The following C1GALT1 variants were observed in gnomAD, a reference collection of about 807,000 sequenced individuals.
C1GALT1 encodes the protein core 1 synthase, glycoprotein-N-acetylgalactosamine 3-beta-galactosyltransferase 1.
In C1GALT1, 11 loss-of-function variants were observed where a neutral mutation model predicts 31.0. That is an observed-to-expected ratio of 0.36 (90% CI 0.22 to 0.59). The LOEUF (loss-of-function observed/expected upper bound fraction) is 0.59, where lower values mean the gene tolerates loss of function less well. Ranked by LOEUF, C1GALT1 falls within the 20% of genes least tolerant of loss-of-function variation. The pLI is 0.79. For synonymous variants in C1GALT1, 175 were observed against 143.6 expected, an observed-to-expected ratio of 1.22 and a Z score of -1.56; for missense variants, 424 against 425.2, an observed-to-expected ratio of 1.00 and a Z score of 0.03.
upstream of C1GALT1, among the ~76,000 whole-genome samples, chr7:7,181,224 G>GTGGAAGGATATTGCGGAAAGGTGGAAGGA (rs1265629654): frequency 1.3e-5 from 2 of 149,664 alleles, no homozygotes; most frequent in East Asian, 3.9e-4. Flanking sequence ...TTGCGGAAAG[G>GTGGAAGGATATTGCGGAAAGGTGGAAGGA]TGGAAGGATA....
Position 7,209,203 on chromosome 7 carries a change from T to C in C1GALT1, c.-17-25100T>C, listed in dbSNP as rs185840716. ...TTGTTATTCTTTGTTACTTATAGCT[T>C]TTTTGTTTGCTATTGAAACGTGACC... is the stretch of plus-strand genomic sequence containing the variant. On this transcript the variant is annotated intron_variant, in intron 1 of 3. Transcript: ENST00000436587. Among the ~76,000 whole-genome samples, 20 of 152,360 alleles carry C rather than the reference T, an allele frequency of 1.3e-4. No homozygotes were observed. In the East Asian group the frequency reaches 3.9e-3, roughly 29 times the overall value.
At chr7:7,203,789 C>T (rs2128236471) in intron 1 of C1GALT1, among the ~76,000 whole-genome samples, 1 of 152,156 alleles carries the variant, frequency 6.6e-6, no homozygotes, top group African/African-American at 2.4e-5. Context: ...TTAGCATATC[C>T]ATGATCTCAA....
intron 1 of C1GALT1, among the ~76,000 whole-genome samples, chr7:7,193,742 A>G (rs1781170512): frequency 6.6e-6 from 1 of 152,142 alleles, no homozygotes; most frequent in Non-Finnish European, 1.5e-5. Context: ...TAGGAATTAC[A>G]TTGAATCCGT....
chr7:7,243,464 A>G, intron 3 of C1GALT1, 60 bp from the exon 4 acceptor site: 4 of 1,323,320 alleles, frequency 3.0e-6, no homozygotes, highest in Non-Finnish European at 4.2e-6. Context: ...ATAAGTATGT[A>G]AATATTGTAG....
At position 7,182,689 on chromosome 7, in the gene C1GALT1, G is replaced by A; in HGVS notation, c.-149G>A. ...GCCGCTGCCGGGGAATAATCTGGGC[G>A]GCAGCGGGCGGCCTCGGCTAGCGGC... On this transcript the variant is annotated 5_prime_UTR_variant, in exon 1 of 4. Coordinates refer to ENST00000436587, the MANE Select transcript of C1GALT1 (RefSeq NM_020156.5). 1 of 544,606 alleles carries A rather than the reference G, an allele frequency of 1.8e-6. No homozygotes were observed. The highest frequency in any genetic ancestry group is 2.3e-6 in the Non-Finnish European group (1 of 426,896). The allele number at this position is 544,606 out of a possible 1,614,324, so 33.7% of individuals were successfully genotyped here.
chr7:7,221,322 C>G (rs567011363), intron 1 of C1GALT1, among the ~76,000 whole-genome samples: 2 of 151,926 alleles, frequency 1.3e-5, no homozygotes, highest in African/African-American at 2.4e-5. Flanking sequence ...TTTTAGGAGT[C>G]TTTTGTCTTC....
chr7:7,215,757 T>TA (rs1345723660), intron 1 of C1GALT1, among the ~76,000 whole-genome samples: 2 of 152,144 alleles, frequency 1.3e-5, no homozygotes, highest in East Asian at 3.9e-4. Context: ...CTTGCAGAGC[T>TA]GCCTGTTTTA....
chr7:7,202,293 A>G (rs1781559249), intron 1 of C1GALT1, among the ~76,000 whole-genome samples: 1 of 152,110 alleles, frequency 6.6e-6, no homozygotes, highest in African/African-American at 2.4e-5. Context: ...TTCGAGTAAA[A>G]GTTCACGGTG....
At position 7,190,613 on chromosome 7, in the gene C1GALT1, A is replaced by G. The variant is rs141527977; in HGVS notation, c.-18+7793A>G. On this transcript the variant is annotated intron_variant, in intron 1 of 3. Coordinates refer to ENST00000436587, the MANE Select transcript of C1GALT1 (RefSeq NM_020156.5). The stretch of plus-strand genomic sequence containing the variant: ...CTTTTTTAAGGTAATATATTTTTAT[A>G]TGTAGTAAACTTTGTCTCTTCCCCT... Among the ~76,000 whole-genome samples the G allele has an allele frequency of 4.8e-3, 732 of 152,236 alleles. 11 individuals are homozygous for G. The highest frequency in any genetic ancestry group is 0.028 in the Admixed American group (421 of 15,294).
intron 1 of C1GALT1, among the ~76,000 whole-genome samples, chr7:7,212,605 A>G (rs747029367): frequency 6.6e-6 from 1 of 152,188 alleles, no homozygotes; most frequent in Non-Finnish European, 1.5e-5. Context: ...CTTGGGTCCA[A>G]GTGGGCTGAG....
At chr7:7,193,860 G>A (rs1230554719) in intron 1 of C1GALT1, among the ~76,000 whole-genome samples, 1 of 151,936 alleles carries the variant, frequency 6.6e-6, no homozygotes, top group Non-Finnish European at 1.5e-5. Context: ...TTTCAGCAGT[G>A]TTTTGTAGTT....
At chr7:7,184,055 T>C (rs1780709374) in intron 1 of C1GALT1, among the ~76,000 whole-genome samples, 1 of 152,216 alleles carries the variant, frequency 6.6e-6, no homozygotes, top group Non-Finnish European at 1.5e-5. Context: ...GGTATTTAGA[T>C]GACAGCTTTT....
At chr7:7,204,575 A>G (rs1005778307) in intron 1 of C1GALT1, among the ~76,000 whole-genome samples, 36 of 151,178 alleles carry the variant, frequency 2.4e-4, no homozygotes, top group African/African-American at 8.5e-4. Context: ...TCTGTTCTTT[A>G]TTGTTTTATT....
At chr7:7,226,554 C>A (rs973663046) in intron 1 of C1GALT1, among the ~76,000 whole-genome samples, 1 of 152,082 alleles carries the variant, frequency 6.6e-6, no homozygotes, top group Non-Finnish European at 1.5e-5. Context: ...GCTGTATCCT[C>A]AGAATTCTCT....
At chr7:7,189,192 T>G (rs56066111) in intron 1 of C1GALT1, among the ~76,000 whole-genome samples, 1 of 152,168 alleles carries the variant, frequency 6.6e-6, no homozygotes, top group Non-Finnish European at 1.5e-5. Flanking sequence ...ATCTTTTTTT[T>G]AAAAAACTGG....
chr7:7,164,104 G>A (rs1386842455), intron 2 of C1GALT1, among the ~76,000 whole-genome samples: 2 of 152,102 alleles, frequency 1.3e-5, no homozygotes, highest in African/African-American at 4.8e-5. Flanking sequence ...GCATGGTACT[G>A]GTACCAGAAC....
chr7:7,236,309 G>A (rs966322247), intron 2 of C1GALT1, among the ~76,000 whole-genome samples: 4 of 152,014 alleles, frequency 2.6e-5, no homozygotes, highest in African/African-American at 9.7e-5. Flanking sequence ...CAAGTTCAGC[G>A]GTGGACAAAC....
chr7:7,181,760 G>T (rs1221359502), upstream of C1GALT1, among the ~76,000 whole-genome samples: 1 of 152,172 alleles, frequency 6.6e-6, no homozygotes. Context: ...AAGCAGGGTA[G>T]CTTTCCTATT....
intron 1 of C1GALT1, among the ~76,000 whole-genome samples, chr7:7,213,822 G>A (rs1228064142): frequency 6.6e-6 from 1 of 152,160 alleles, no homozygotes; most frequent in African/African-American, 2.4e-5. Flanking sequence ...GGGCAGATTA[G>A]TGCCTTAAGA....
Sources: gnomAD v4.1 joint callset for allele counts (sites outside exome capture counted in the v4.1 genomes callset) on GRCh38, gnomAD v4.1.1 for gene constraint, MANE v1.5 for transcripts, NCBI Gene and HGNC (gene_info 2026-07-23, HGNC 2026-07-21) for gene names.